Variants in PLB1 observed in about 807,000 individuals in gnomAD.
PLB1 encodes the protein phospholipase B1, membrane-associated.
Under a neutral mutation model 227.4 loss-of-function variants are expected in PLB1, and 242 were observed. The observed-to-expected ratio is 1.06, with a 90% CI of 0.96 to 1.18. PLB1 has a LOEUF of 1.18. Ranked by LOEUF, PLB1 falls within the 50% of genes most tolerant of loss-of-function variation. The probability of loss-of-function intolerance (pLI) is 0.00; values close to 1 mark genes in which losing one functional copy is unlikely to be tolerated. For missense variants in PLB1, 1,858 were observed against 1,816.3 expected, an observed-to-expected ratio of 1.02 and a Z score of -0.42; for synonymous variants, 757 against 682.2, an observed-to-expected ratio of 1.11 and a Z score of -1.71.
At chr2:28,536,580 A>G (rs540781929) in intron 9 of PLB1, among the ~76,000 whole-genome samples, 1 of 152,308 alleles carries the variant, frequency 6.6e-6, no homozygotes, top group African/African-American at 2.4e-5. Flanking sequence ...CTTGGTTTAA[A>G]TCCCAATAAA....
Position 28,575,187 on chromosome 2 carries a change from G to T in PLB1, c.1433+1882G>T, listed in dbSNP as rs145439319. ...CCAGGCCAACACCTATTATTTTTTT[G>T]ACTTTTTAATTATGGCTGTTCTTGC... On this transcript the variant is annotated intron_variant, in intron 21 of 57. Transcript: ENST00000327757. 7.2e-5 allele frequency among the ~76,000 whole-genome samples: 11 copies of T among 152,132 alleles called. 1 individual carries two copies. Among genetic ancestry groups the T allele is most frequent in the African/African-American group, 2.6e-4 (11 of 41,510 alleles).
chr2:28,559,564 C>T (rs934353309), intron 17 of PLB1, among the ~76,000 whole-genome samples: 5 of 152,052 alleles, frequency 3.3e-5, no homozygotes, highest in African/African-American at 7.2e-5. Context: ...TGAAAGGAGA[C>T]GAGACCTTGG....
rs1317410086 is a variant in PLB1, at chr2:28,643,258, A to AG, written c.*198dup. 2.1e-6 allele frequency: 1 copy of AG among 487,674 alleles called. No homozygotes were observed. The highest frequency in any genetic ancestry group is 3.6e-6 in the Non-Finnish European group (1 of 278,680). The allele number at this position is 487,674 out of a possible 1,614,324, so 30.2% of individuals were successfully genotyped here. On this transcript the variant is annotated 3_prime_UTR_variant, in exon 58 of 58. Transcript: ENST00000327757. ...ATGGATACATTTAAATAAAGTCCAA[A>AG]GCTATTTTATTCCTGGGTTTGCCTG...
intron 2 of PLB1, 34 bp downstream of exon 2, chr2:28,516,903 A>T (rs1488223245): frequency 6.3e-7 from 1 of 1,598,818 alleles, no homozygotes; most frequent in Admixed American, 1.7e-5. Context: ...GTGCGTGTGT[A>T]TGGAGGGGAG....
intron 30 of PLB1, 21 bp from the exon 31 acceptor site, chr2:28,591,679 G>A: frequency 6.2e-7 from 1 of 1,612,898 alleles, no homozygotes; most frequent in Non-Finnish European, 8.5e-7. Flanking sequence ...TGAGATTCTG[G>A]GATTTGTTCT....
intron 41 of PLB1, 60 bp from the exon 42 acceptor site, chr2:28,605,793 G>T: frequency 7.1e-7 from 1 of 1,410,912 alleles, no homozygotes; most frequent in Non-Finnish European, 1.0e-6. Flanking sequence ...GGCCAAGTCC[G>T]CTGGTGGTGG....
chr2:28,529,907 T>C, intron 8 of PLB1, 128 bp downstream of exon 8: 1 of 753,858 alleles, frequency 1.3e-6, no homozygotes, highest in Non-Finnish European at 2.2e-6. Context: ...CTGGGTTCTT[T>C]AAAAAATGTC....
Position 28,562,276 on chromosome 2 carries a change from G to A in PLB1, c.1148-765G>A, listed in dbSNP as rs922847712. On this transcript the variant is annotated intron_variant, in intron 17 of 57. Coordinates refer to ENST00000327757, the MANE Select transcript of PLB1 (RefSeq NM_153021.5). ...AAAAAACAGTCGGCCGGGCGCGTTG[G>A]CTCTCGCCTGTAATCCCAGCACTTT... 3.2e-4 allele frequency among the ~76,000 whole-genome samples: 49 copies of A among 152,154 alleles called. 2 individuals are homozygous for A. Among genetic ancestry groups the A allele is most frequent in the Admixed American group, 3.1e-3 (48 of 15,280 alleles).
chr2:28,564,449 C>A (rs561948433), intron 18 of PLB1, among the ~76,000 whole-genome samples: 96 of 152,310 alleles, frequency 6.3e-4, no homozygotes, highest in African/African-American at 2.3e-3. Context: ...GAAGGACTGG[C>A]AGGCTGGGCC....
intron 43 of PLB1, among the ~76,000 whole-genome samples, chr2:28,612,769 A>ATT (rs10557060): frequency 3.9e-4 from 49 of 124,920 alleles, no homozygotes; most frequent in South Asian, 5.3e-4. Context: ...CCACACCTGG[A>ATT]TTTTTTTTTT....
chr2:28,637,701 C>T (rs897607521), intron 56 of PLB1, among the ~76,000 whole-genome samples: 3 of 152,240 alleles, frequency 2.0e-5, no homozygotes, highest in African/African-American at 7.2e-5. Flanking sequence ...CAGCGTCCTG[C>T]ACCACCTGTG....
intron 9 of PLB1, among the ~76,000 whole-genome samples, chr2:28,537,888 G>A (rs775410120): frequency 1.4e-4 from 22 of 152,074 alleles, no homozygotes; most frequent in African/African-American, 5.3e-4. Context: ...TGAAGGTTCC[G>A]AGGCCCATCT....
chr2:28,533,098 A>G (rs1473168445), intron 9 of PLB1, among the ~76,000 whole-genome samples: 5 of 152,002 alleles, frequency 3.3e-5, no homozygotes, highest in African/African-American at 4.8e-5. Flanking sequence ...GGCATGGTGG[A>G]GCTTCTGGAG....
rs1040071723 is a variant in PLB1, at chr2:28,632,855, C to T, written c.4003-89C>T. On this transcript the variant is annotated intron_variant, in intron 55 of 57. Transcript: ENST00000327757. ...GGAAAGTTGAAAGAATGAAAGGAGA[C>T]ATGCCCAGGGCACCTGCTGGGAGAG... 16 of 875,342 alleles carry T rather than the reference C, an allele frequency of 1.8e-5. No individual in the cohort carries two copies. In the South Asian group the frequency reaches 2.2e-4, roughly 12 times the overall value. The allele number at this position is 875,342 out of a possible 1,614,324, so 54.2% of individuals were successfully genotyped here.
intron 49 of PLB1, 34 bp from the exon 50 acceptor site, chr2:28,625,023 G>T: frequency 6.2e-7 from 1 of 1,604,244 alleles, no homozygotes; most frequent in Non-Finnish European, 8.5e-7. Flanking sequence ...CTCCTGAGCC[G>T]GCACTAACGC....
chr2:28,581,529 AT>A (rs1201446206), intron 23 of PLB1, among the ~76,000 whole-genome samples: 43 of 144,756 alleles, frequency 3.0e-4, no homozygotes, highest in African/African-American at 5.0e-4. Context: ...AAATAAATAA[AT>A]AAATAAAATT....
chr2:28,528,506 G>C (rs1670574567), intron 6 of PLB1, among the ~76,000 whole-genome samples: 1 of 152,212 alleles, frequency 6.6e-6, no homozygotes, highest in African/African-American at 2.4e-5. Context: ...GGGGCTGGAA[G>C]GCAGCCCGAG....
chr2:28,581,985 G>A (rs1406629047), intron 23 of PLB1, 83 bp from the exon 24 acceptor site: 6 of 1,336,944 alleles, frequency 4.5e-6, no homozygotes, highest in African/African-American at 1.5e-5. Context: ...AAAAAAGAAG[G>A]GGACCCAAGA....
rs760032833 is a variant in PLB1, at chr2:28,620,329, G to A, written c.3380G>A (p.Trp1127Ter). The A allele has an allele frequency of 1.2e-6, 2 of 1,600,850 alleles. No homozygotes were observed. Among genetic ancestry groups the A allele is most frequent in the South Asian group, 1.1e-5 (1 of 89,484 alleles). ...DLPTSWRGLSWSIGGDGNLET... is the reference protein window; with the variant it reads ...DLPTSWRGLS ...CCCACATCTTGGAGGGGACTCTCTTGGAGGTGAGGATGTTCTTGATGCATG... is the reference window on the plus strand; with the variant it reads ...CCCACATCTTGGAGGGGACTCTCTTAGAGGTGAGGATGTTCTTGATGCATG... Residue 1127 changes from tryptophan to a stop codon, truncating the protein, a stop_gained, in exon 47 of 58, where the codon TGG becomes TAG. Coordinates refer to ENST00000327757, the MANE Select transcript of PLB1 (RefSeq NM_153021.5). LOFTEE classifies it high-confidence loss of function.
Sources: allele counts gnomAD v4.1 joint callset (sites outside exome capture counted in the v4.1 genomes callset), GRCh38; gene constraint gnomAD v4.1.1; transcripts MANE v1.5; gene names NCBI Gene and HGNC (gene_info 2026-07-23, HGNC 2026-07-21).